The following POTEF variants were observed in gnomAD, a reference collection of about 807,000 sequenced individuals.
The protein encoded by POTEF is ANKRD26-like family C member 1B.
Under a neutral mutation model 83.2 loss-of-function variants are expected in POTEF, and 20 were observed. The observed-to-expected ratio is 0.24, with a 90% CI of 0.17 to 0.35. POTEF has a LOEUF of 0.35. Among genes scored for constraint, POTEF ranks in the 10% least tolerant of loss-of-function variants. The probability of loss-of-function intolerance (pLI) is 1.00; values close to 1 mark genes in which losing one functional copy is unlikely to be tolerated. For synonymous variants in POTEF, 196 were observed against 446.4 expected (o/e 0.44, Z 7.07); for missense variants, 550 against 1,203.2 (o/e 0.46, Z 8.03).
intron 8 of POTEF, among the ~76,000 whole-genome samples, chr2:130,103,367 G>A (rs1185335627): frequency 6.6e-6 from 1 of 150,550 alleles, no homozygotes; most frequent in Non-Finnish European, 1.5e-5. Context: ...CCAAAATGCT[G>A]GGATTAGAGG....
Position 130,075,386 on chromosome 2 carries a change from A to G in POTEF, c.2086T>C (p.Leu696=), listed in dbSNP as rs199730929. 1.0e-3 allele frequency: 1,685 copies of G among 1,611,930 alleles called. 40 individuals are homozygous for G. The East Asian group carries it at 0.033, about 32-fold the overall frequency. ...RNDNLLKALQ[L]NELTMDDDTA... ...TCATCATCCATGGTGAGCTCATTCA[A>G]TTGTAGAGCCTTTAAAAGATTATCA... is the stretch of plus-strand genomic sequence containing the variant. The change falls in exon 17 of 17, where the codon TTG becomes CTG. Residue 696 remains leucine, a synonymous_variant. Transcript: ENST00000409914.
chr2:130,117,935 CTTT>C (rs58113059), intron 3 of POTEF, among the ~76,000 whole-genome samples: 2 of 45,054 alleles, frequency 4.4e-5, no homozygotes, highest in African/African-American at 7.9e-5. Flanking sequence ...TATTTCATTC[CTTT>C]TTTTTTTCTT....
chr2:130,128,442 T>A (rs1436381243), intron 1 of POTEF, among the ~76,000 whole-genome samples: 1 of 151,188 alleles, frequency 6.6e-6, no homozygotes, highest in African/African-American at 2.4e-5. Context: ...CCACTGGCAG[T>A]ATAGCCCCCA....
intron 11 of POTEF, among the ~76,000 whole-genome samples, chr2:130,095,038 T>G: frequency 9.7e-6 from 1 of 103,598 alleles, no homozygotes; most frequent in Non-Finnish European, 2.1e-5. Flanking sequence ...TTTTTTTTTT[T>G]TTTTTTTGAG....
At chr2:130,119,256 C>T (rs1471657164) in intron 3 of POTEF, among the ~76,000 whole-genome samples, 9 of 151,534 alleles carry the variant, frequency 5.9e-5, no homozygotes, top group South Asian at 4.1e-4. Context: ...CTCCACCTCC[C>T]GGGTTCACGC....
rs1385966499 is a variant in POTEF at position 130,076,085 on chromosome 2, C to T, written c.1900-513G>A. Among the ~76,000 whole-genome samples, 8 of 94,550 alleles carry T rather than the reference C, an allele frequency of 8.5e-5. 3 individuals are homozygous for T. The highest frequency in any genetic ancestry group is 1.3e-4 in the Admixed American group (1 of 7,462). 62.0% of individuals were successfully genotyped at this position (94,550 alleles called of 152,430 possible). A position where few individuals can be genotyped will look rare whatever the true frequency, so the allele number is the denominator to read the frequency against. ...TTTCTTTTACTTAAGAACGTTTTAC[C>T]GATATTCTACATTTCTAATATTTCT... On this transcript the variant is annotated intron_variant, in intron 16 of 16. Coordinates refer to ENST00000409914, the MANE Select transcript of POTEF (RefSeq NM_001099771.2).
intron 15 of POTEF, among the ~76,000 whole-genome samples, chr2:130,083,454 G>T (rs1683947222): frequency 2.0e-5 from 3 of 147,084 alleles, no homozygotes; most frequent in African/African-American, 5.1e-5. Context: ...GACTAGAAAG[G>T]CAGGAGGAAA....
chr2:130,110,205 A>G (rs899673784), intron 7 of POTEF, among the ~76,000 whole-genome samples: 18 of 151,612 alleles, frequency 1.2e-4, no homozygotes, highest in African/African-American at 4.2e-4. Flanking sequence ...GCTAAACTGG[A>G]CATTTCAAGA....
At chr2:130,107,509 C>G (rs1684574521) in intron 8 of POTEF, among the ~76,000 whole-genome samples, 1 of 151,002 alleles carries the variant, frequency 6.6e-6, no homozygotes, top group Non-Finnish European at 1.5e-5. Context: ...TATTATGAAC[C>G]ACACCACACA....
chr2:130,120,404 T>C lies in POTEF; in HGVS notation c.112A>G (p.Ser38Gly). The C allele has an allele frequency of 1.9e-6, 3 of 1,612,622 alleles. No individual in the cohort carries two copies. In the South Asian group the frequency reaches 3.3e-5, roughly 18 times the overall value. ...CCRCFPCCRE[S>G]GKSNVGTSGD... ...GAAGTGCCCACGTTGCTCTTGCCGC[T>C]CTCCCTGCAGCAGGGGAAGCAACGG... The change falls in exon 3 of 17, where the codon AGC (serine) becomes GGC (glycine). Residue 38 changes from serine (S) to glycine (G), a missense_variant. Physicochemically the swap from Ser to Gly is moderately conservative, Grantham distance 56. Coordinates refer to ENST00000409914, the MANE Select transcript of POTEF (RefSeq NM_001099771.2).
At chr2:130,119,391 C>A (rs1684938631) in intron 3 of POTEF, among the ~76,000 whole-genome samples, 1 of 151,932 alleles carries the variant, frequency 6.6e-6, no homozygotes, top group Non-Finnish European at 1.5e-5. Context: ...TGGTCTCAAT[C>A]TCCTGACCTC....
chr2:130,121,208 G>T (rs1684996327), intron 2 of POTEF, among the ~76,000 whole-genome samples: 1 of 150,136 alleles, frequency 6.7e-6, no homozygotes, highest in Admixed American at 6.6e-5. Flanking sequence ...CAACGCGCCT[G>T]CTTAAGTCTT....
At chr2:130,114,035 G>C (rs2104819797) in intron 5 of POTEF, among the ~76,000 whole-genome samples, 1 of 152,096 alleles carries the variant, frequency 6.6e-6, no homozygotes, top group Admixed American at 6.5e-5. Flanking sequence ...TGAAAGCAGA[G>C]CTGAGACTCT....
Position 130,120,429 on chromosome 2 carries a change from G to A in POTEF, c.87C>T (p.Cys29=). 6.2e-7 allele frequency: 1 copy of A among 1,613,402 alleles called. No individual in the cohort carries two copies. The highest frequency in any genetic ancestry group is 8.5e-7 in the Non-Finnish European group (1 of 1,179,820). Residue 29 remains cysteine, a synonymous_variant, in exon 3 of 17, where the codon TGC becomes TGT. Transcript: ENST00000409914. ...GLRSKMGKWC[C]RCFPCCRESG... Reference sequence around the variant, plus strand: ...TCTCCCTGCAGCAGGGGAAGCAACGGCAGCACCACTTGCCCATCTTGCTCC... The same window carrying A: ...TCTCCCTGCAGCAGGGGAAGCAACGACAGCACCACTTGCCCATCTTGCTCC...
intron 5 of POTEF, among the ~76,000 whole-genome samples, chr2:130,114,206 C>T (rs1684782767): frequency 6.6e-6 from 1 of 150,842 alleles, no homozygotes; most frequent in African/African-American, 2.5e-5. Flanking sequence ...CCACTAACTC[C>T]CTCTCCCAAA....
intron 12 of POTEF, among the ~76,000 whole-genome samples, chr2:130,093,040 G>A (rs2104791588): frequency 1.4e-5 from 2 of 143,764 alleles, no homozygotes; most frequent in South Asian, 4.6e-4. Flanking sequence ...TCTGTCTCCA[G>A]TCAGATCAGT....
chr2:130,114,358 C>T (rs1167584170), intron 5 of POTEF, among the ~76,000 whole-genome samples: 1 of 150,218 alleles, frequency 6.7e-6, no homozygotes, highest in Non-Finnish European at 1.5e-5. Flanking sequence ...CCAAATTGGC[C>T]TTGATATTTC....
At chr2:130,101,304 G>A (rs1302436294) in intron 9 of POTEF, among the ~76,000 whole-genome samples, 1 of 150,700 alleles carries the variant, frequency 6.6e-6, no homozygotes, top group Admixed American at 6.6e-5. Flanking sequence ...ATAGTGTTAT[G>A]TATCCAGATT....
chr2:130,110,839 T>C (rs1684689830), intron 6 of POTEF, among the ~76,000 whole-genome samples, 159 bp from the exon 7 acceptor site: 1 of 89,648 alleles, frequency 1.1e-5, no homozygotes, highest in South Asian at 3.0e-4. Context: ...CTTTGTAAAA[T>C]GCCACCAAGG....
Sources: gnomAD v4.1 joint callset for allele counts (sites outside exome capture counted in the v4.1 genomes callset) on GRCh38, gnomAD v4.1.1 for gene constraint, MANE v1.5 for transcripts, NCBI Gene and HGNC (gene_info 2026-07-23, HGNC 2026-07-21) for gene names.